ST8SIA3: variants seen among roughly 807,000 people sequenced by gnomAD.
The protein encoded by ST8SIA3 is ST8 alpha-N-acetyl-neuraminide alpha-2,8-sialyltransferase 3.
A neutral mutation model predicts 34.5 loss-of-function variants in ST8SIA3; 17 were observed. The ratio of observed to expected loss-of-function variants is 0.49; its 90% confidence interval spans 0.34 to 0.74. ST8SIA3 has a LOEUF of 0.74. Ranked by LOEUF, ST8SIA3 falls within the 30% of genes least tolerant of loss-of-function variation. The pLI is 0.01. For missense variants in ST8SIA3, 354 were observed against 467.8 expected (o/e 0.76, Z 2.24); for synonymous variants, 172 against 176.1 (o/e 0.98, Z 0.19).
rs540410171 is a variant in ST8SIA3 at position 57,367,462 on chromosome 18, C to G, written c.*7185C>G. ...CACCCTCTGGCTCTTTTCCTGACACCAAACAGAGAAGTCCACAGCTACAAG... is the reference window on the plus strand; with the variant it reads ...CACCCTCTGGCTCTTTTCCTGACACGAAACAGAGAAGTCCACAGCTACAAG... On this transcript the variant is annotated 3_prime_UTR_variant, in exon 4 of 4. Coordinates refer to ENST00000324000, the MANE Select transcript of ST8SIA3 (RefSeq NM_015879.3). The G allele has an allele frequency of 6.5e-6, 1 of 152,688 alleles. No individual in the cohort carries two copies. The highest frequency in any genetic ancestry group is 2.1e-4 in the South Asian group (1 of 4,818). The allele number at this position is 152,688 out of a possible 1,614,324, so 9.5% of individuals were successfully genotyped here. A position where few individuals can be genotyped will look rare whatever the true frequency, so the allele number is the denominator to read the frequency against.
rs946817915 is a variant in ST8SIA3, at chr18:57,363,580, C to A, written c.*3303C>A. On this transcript the variant is annotated 3_prime_UTR_variant, in exon 4 of 4. Transcript: ENST00000324000. Reference sequence around the variant, plus strand: ...GAACCGCTGCCCCTGCCCTCAGCTTCCTTATGCCCGAGCCACTACTTATCC... The same window carrying A: ...GAACCGCTGCCCCTGCCCTCAGCTTACTTATGCCCGAGCCACTACTTATCC... 3.4e-4 allele frequency: 52 copies of A among 152,340 alleles called. No individual in the cohort carries two copies. Among genetic ancestry groups the A allele is most frequent in the African/African-American group, 1.3e-3 (52 of 41,552 alleles). The allele number at this position is 152,340 out of a possible 1,614,324, so 9.4% of individuals were successfully genotyped here.
In ST8SIA3 at chr18:57,360,264, C is replaced by T. The variant is rs1187215086; in HGVS notation, c.1130C>T (p.Ser377Leu). The T allele has an allele frequency of 1.2e-6, 2 of 1,613,470 alleles. No individual in the cohort carries two copies. Among genetic ancestry groups the T allele is most frequent in the African/African-American group, 2.7e-5 (2 of 74,904 alleles). The change falls in exon 4 of 4, where the codon TCA becomes TTA. Residue 377 changes from serine (S) to leucine (L), a missense_variant. By Grantham distance (145) the Ser-to-Leu change is moderately radical. Coordinates refer to ENST00000324000, the MANE Select transcript of ST8SIA3 (RefSeq NM_015879.3). ...GAAGGGCTCACCAAGCTGACTCTGT[C>T]ACACTGTGCCTAAGAACTCCAAACG... ...HGEGLTKLTLSHCA is the reference protein window; with the variant it reads ...HGEGLTKLTLLHCA
rs148041094 is a variant in ST8SIA3, at chr18:57,363,913, A to G, written c.*3636A>G. 2.0e-5 allele frequency: 3 copies of G among 152,316 alleles called. No individual in the cohort carries two copies. Among genetic ancestry groups the G allele is most frequent in the African/African-American group, 7.2e-5 (3 of 41,572 alleles). The allele number at this position is 152,316 out of a possible 1,614,324, so 9.4% of individuals were successfully genotyped here. A position where few individuals can be genotyped will look rare whatever the true frequency, so the allele number is the denominator to read the frequency against. ...GAGAAATTATGATTCCTCCTCTAGTACTTCTTGGTCTTACCAGCATCAAAT... is the reference window on the plus strand; with the variant it reads ...GAGAAATTATGATTCCTCCTCTAGTGCTTCTTGGTCTTACCAGCATCAAAT... On this transcript the variant is annotated 3_prime_UTR_variant, in exon 4 of 4. Transcript: ENST00000324000.
Position 57,363,885 on chromosome 18 carries a change from GTGGAGAAATTA to G in ST8SIA3, c.*3611_*3621del. On this transcript the variant is annotated 3_prime_UTR_variant, in exon 4 of 4. Transcript: ENST00000324000. ...TTGCCCCAGATGACACTGTCAATTA[GTGGAGAAATTA>G]TGATTCCTCCTCTAGTACTTCTTGG... The G allele has an allele frequency of 6.6e-6, 1 of 152,192 alleles. No individual in the cohort carries two copies. The highest frequency in any genetic ancestry group is 1.5e-5 in the Non-Finnish European group (1 of 68,042). The allele number at this position is 152,192 out of a possible 1,614,324, so 9.4% of individuals were successfully genotyped here. A position where few individuals can be genotyped will look rare whatever the true frequency, so the allele number is the denominator to read the frequency against.
chr18:57,359,392 A>G (rs1044151427), intron 3 of ST8SIA3, among the ~76,000 whole-genome samples: 7 of 152,190 alleles, frequency 4.6e-5, no homozygotes, highest in East Asian at 1.9e-4. Context: ...GGGAACCCCT[A>G]GTTAGAAGAG....
rs28686918 is a variant in ST8SIA3 at position 57,357,309 on chromosome 18, C to T, written c.699C>T (p.Leu233=). The stretch of plus-strand genomic sequence containing the variant: ...TTCAGGACCGTAACAACTTTTTCCT[C>T]AGTTTAAAAAAGCTTGACGGGGCCA... ...LTIQDRNNFF[L]SLKKLDGAIL... Residue 233 remains leucine (L), a synonymous_variant, in exon 3 of 4, where the codon CTC becomes CTT. Coordinates refer to ENST00000324000, the MANE Select transcript of ST8SIA3 (RefSeq NM_015879.3). The T allele has an allele frequency of 1.1e-3, 1,719 of 1,614,012 alleles. 19 individuals are homozygous for T. The African/African-American group carries it at 0.02, about 19-fold the overall frequency.
rs2049872887 is a variant in ST8SIA3, at chr18:57,368,401, G to A, written c.*8124G>A. ...CGAATGTAAGTTATTAAATAAATGA[G>A]CAAGAAGTATGTGTCAGGGAAAATA... is the stretch of plus-strand genomic sequence containing the variant. On this transcript the variant is annotated 3_prime_UTR_variant, in exon 4 of 4. Coordinates refer to ENST00000324000, the MANE Select transcript of ST8SIA3 (RefSeq NM_015879.3). The A allele has an allele frequency of 6.6e-6, 1 of 152,190 alleles. No individual in the cohort carries two copies. Among genetic ancestry groups the A allele is most frequent in the Non-Finnish European group, 1.5e-5 (1 of 68,034 alleles). The allele number at this position is 152,190 out of a possible 1,614,324, so 9.4% of individuals were successfully genotyped here. A position where few individuals can be genotyped will look rare whatever the true frequency, so the allele number is the denominator to read the frequency against.
intron 1 of ST8SIA3, among the ~76,000 whole-genome samples, chr18:57,353,589 C>G (rs1267877019): frequency 1.3e-5 from 2 of 152,212 alleles, no homozygotes; most frequent in South Asian, 2.1e-4. Flanking sequence ...CCACCGCCCC[C>G]CACCAGCTTT....
intron 1 of ST8SIA3, among the ~76,000 whole-genome samples, chr18:57,354,062 G>A (rs2049783056): frequency 6.6e-6 from 1 of 152,254 alleles, no homozygotes; most frequent in Admixed American, 6.5e-5. Context: ...GGGTCAGGCT[G>A]GCGGGGCGGC....
At position 57,361,962 on chromosome 18, in the gene ST8SIA3, T is replaced by G. The variant is rs1213770053; in HGVS notation, c.*1685T>G. ...AACCGAATATGGTAAGGAAAGACACTATCGTTATGCTCACGTTCTGCCTGG... is the reference window on the plus strand; with the variant it reads ...AACCGAATATGGTAAGGAAAGACACGATCGTTATGCTCACGTTCTGCCTGG... On this transcript the variant is annotated 3_prime_UTR_variant, in exon 4 of 4. Transcript: ENST00000324000. The G allele has an allele frequency of 6.6e-6, 1 of 152,210 alleles. No individual in the cohort carries two copies. The highest frequency in any genetic ancestry group is 2.4e-5 in the African/African-American group (1 of 41,432). The allele number at this position is 152,210 out of a possible 1,614,324, so 9.4% of individuals were successfully genotyped here. A position where few individuals can be genotyped will look rare whatever the true frequency, so the allele number is the denominator to read the frequency against.
chr18:57,353,745 C>T (rs2049780682), intron 1 of ST8SIA3, among the ~76,000 whole-genome samples: 1 of 152,214 alleles, frequency 6.6e-6, no homozygotes, highest in East Asian at 1.9e-4. Flanking sequence ...CGAGAGCCCC[C>T]GCCCCGCTCT....
At position 57,363,244 on chromosome 18, in the gene ST8SIA3, T is replaced by C. The variant is rs1285644788; in HGVS notation, c.*2967T>C. On this transcript the variant is annotated 3_prime_UTR_variant, in exon 4 of 4. Coordinates refer to ENST00000324000, the MANE Select transcript of ST8SIA3 (RefSeq NM_015879.3). ...AAACTTTTGGCAACCTGCTTAATGCTAGACGCTCTGTTTTCACTGGTTATT... is the reference window on the plus strand; with the variant it reads ...AAACTTTTGGCAACCTGCTTAATGCCAGACGCTCTGTTTTCACTGGTTATT... 6.6e-6 allele frequency: 1 copy of C among 152,232 alleles called. No homozygotes were observed. Among genetic ancestry groups the C allele is most frequent in the Non-Finnish European group, 1.5e-5 (1 of 68,050 alleles). 9.4% of individuals were successfully genotyped at this position (152,232 alleles called of 1,614,324 possible).
At position 57,367,137 on chromosome 18, in the gene ST8SIA3, T is replaced by G. The variant is rs1199351333; in HGVS notation, c.*6860T>G. The G allele has an allele frequency of 2.6e-5, 4 of 152,252 alleles. No individual in the cohort carries two copies. The highest frequency in any genetic ancestry group is 5.9e-5 in the Non-Finnish European group (4 of 68,042). 9.4% of individuals were successfully genotyped at this position (152,252 alleles called of 1,614,324 possible). A position where few individuals can be genotyped will look rare whatever the true frequency, so the allele number is the denominator to read the frequency against. ...GAGTGGCCGTAAGTTGTTATCTGCA[T>G]GTACTAAATCAAAATTAGATCATGA... On this transcript the variant is annotated 3_prime_UTR_variant, in exon 4 of 4. Transcript: ENST00000324000.
rs934008337 is a variant in ST8SIA3, at chr18:57,367,286, A to G, written c.*7009A>G. On this transcript the variant is annotated 3_prime_UTR_variant, in exon 4 of 4. Transcript: ENST00000324000. ...TATACTATGTGTAAAATGCCAGGTT[A>G]TACCTCTATTTTCTTTCTTCCTAAT... 2 of 152,278 alleles carry G rather than the reference A, an allele frequency of 1.3e-5. No individual in the cohort carries two copies. Among genetic ancestry groups the G allele is most frequent in the East Asian group, 1.9e-4 (1 of 5,204 alleles). 9.4% of individuals were successfully genotyped at this position (152,278 alleles called of 1,614,324 possible). A position where few individuals can be genotyped will look rare whatever the true frequency, so the allele number is the denominator to read the frequency against.
rs912234178 is a variant in ST8SIA3, at chr18:57,362,075, C to T, written c.*1798C>T. 2.6e-5 allele frequency: 4 copies of T among 152,170 alleles called. No individual in the cohort carries two copies. The highest frequency in any genetic ancestry group is 3.4e-3 in the Middle Eastern group (1 of 294). The allele number at this position is 152,170 out of a possible 1,614,324, so 9.4% of individuals were successfully genotyped here. ...TAGATATTAACTAATGAAAGAAACA[C>T]CAAGTTCAAATGTGTTACCAATTAT... On this transcript the variant is annotated 3_prime_UTR_variant, in exon 4 of 4. Transcript: ENST00000324000.
rs1168609473 is a variant in ST8SIA3, at chr18:57,362,218, C to G, written c.*1941C>G. The stretch of plus-strand genomic sequence containing the variant: ...TTGTTCCCTGTCCCTTTGAAGAGGA[C>G]TGTACTACCATCCTCACACTGTGCT... On this transcript the variant is annotated 3_prime_UTR_variant, in exon 4 of 4. Coordinates refer to ENST00000324000, the MANE Select transcript of ST8SIA3 (RefSeq NM_015879.3). 1 of 152,186 alleles carries G rather than the reference C, an allele frequency of 6.6e-6. No individual in the cohort carries two copies. The allele number at this position is 152,186 out of a possible 1,614,324, so 9.4% of individuals were successfully genotyped here.
rs748072853 is a variant in ST8SIA3, at chr18:57,352,818, C to T, written c.-29C>T. Reference sequence around the variant, plus strand: ...TGGCCGCTCAATGGACCGATTTCCCCGGTTTCCCTGAACCCAGCCCAGCCC... The same window carrying T: ...TGGCCGCTCAATGGACCGATTTCCCTGGTTTCCCTGAACCCAGCCCAGCCC... On this transcript the variant is annotated 5_prime_UTR_variant, in exon 1 of 4. Coordinates refer to ENST00000324000, the MANE Select transcript of ST8SIA3 (RefSeq NM_015879.3). 1.1e-5 allele frequency: 18 copies of T among 1,607,478 alleles called. No individual in the cohort carries two copies. The highest frequency in any genetic ancestry group is 2.2e-5 in the East Asian group (1 of 44,804).
At position 57,364,426 on chromosome 18, in the gene ST8SIA3, T is replaced by C. The variant is rs763349502; in HGVS notation, c.*4149T>C. The C allele has an allele frequency of 6.6e-6, 1 of 152,256 alleles. No individual in the cohort carries two copies. The highest frequency in any genetic ancestry group is 1.5e-5 in the Non-Finnish European group (1 of 68,046). 9.4% of individuals were successfully genotyped at this position (152,256 alleles called of 1,614,324 possible). Reference sequence around the variant, plus strand: ...TTTGGTTCAATATGCTAAGAAGATATACAAATAATAATAACTTCGTGAGTC... The same window carrying C: ...TTTGGTTCAATATGCTAAGAAGATACACAAATAATAATAACTTCGTGAGTC... On this transcript the variant is annotated 3_prime_UTR_variant, in exon 4 of 4. Transcript: ENST00000324000.
At chr18:57,359,963 C>T in intron 3 of ST8SIA3, 32 bp from the exon 4 acceptor site, 2 of 1,593,620 alleles carry the variant, frequency 1.3e-6, no homozygotes, top group East Asian at 4.5e-5. Context: ...CAACGCTGAC[C>T]TCTGAATCCA....
Sources: gnomAD v4.1 joint callset for allele counts (sites outside exome capture counted in the v4.1 genomes callset) on GRCh38, gnomAD v4.1.1 for gene constraint, MANE v1.5 for transcripts, NCBI Gene and HGNC (gene_info 2026-07-23, HGNC 2026-07-21) for gene names.